The following ZFAT variants were observed in gnomAD, a reference collection of about 807,000 sequenced individuals.
The protein encoded by ZFAT is zinc finger and AT-hook domain containing.
In ZFAT, 64 loss-of-function variants were observed where a neutral mutation model predicts 117.7. That is an observed-to-expected ratio of 0.54 (90% CI 0.44 to 0.67). The LOEUF (loss-of-function observed/expected upper bound fraction) is 0.67. ZFAT is among the 30% of genes least tolerant of loss of function. ZFAT has a pLI of 0.00. For missense variants in ZFAT, 1,433 were observed against 1,584.5 expected, an observed-to-expected ratio of 0.90 and a Z score of 1.62; for synonymous variants, 679 against 615.0, an observed-to-expected ratio of 1.10 and a Z score of -1.54.
Position 134,657,587 on chromosome 8 carries a change from G to A in ZFAT, c.170C>T (p.Pro57Leu), listed in dbSNP as rs1370525941. Residue 57 changes from proline to leucine, a missense_variant, in exon 2 of 16, where the codon CCC becomes CTC. Physicochemically the swap from Pro to Leu is moderately conservative, Grantham distance 98. Coordinates refer to ENST00000377838, the MANE Select transcript of ZFAT (RefSeq NM_020863.4). Reference protein sequence around the residue: ...IPLRPLSTPEPPNSSKTGDEF... With the variant: ...IPLRPLSTPELPNSSKTGDEF... ...ATCTCCGGTTTTGCTTGAGTTGGGG[G>A]GTTCAGGTGTACTCAGAGGCCTAAG... 3.0e-5 allele frequency: 48 copies of A among 1,612,546 alleles called. No individual in the cohort carries two copies. Among genetic ancestry groups the A allele is most frequent in the Non-Finnish European group, 3.6e-5 (43 of 1,179,206 alleles).
chr8:134,540,785 G>A (rs943093708), intron 11 of ZFAT, among the ~76,000 whole-genome samples: 2 of 152,186 alleles, frequency 1.3e-5, no homozygotes, highest in African/African-American at 4.8e-5. Context: ...CTGAAAAAGT[G>A]AAAAAACTCT....
At chr8:134,706,909 C>T (rs1834167535) in intron 1 of ZFAT, among the ~76,000 whole-genome samples, 1 of 151,896 alleles carries the variant, frequency 6.6e-6, no homozygotes, top group South Asian at 2.1e-4. Context: ...AAGAAAAAAC[C>T]TGTCTCCTGG....
the ZFAT span, chr8:134,795,626 C>T: frequency 1.3e-5 from 2 of 152,122 alleles, no homozygotes; most frequent in Non-Finnish European, 2.9e-5. Flanking sequence ...AAATGATTCC[C>T]TTTGGGAACT....
chr8:134,657,790 T>C, intron 1 of ZFAT, 53 bp from the exon 2 acceptor site: 1 of 1,562,972 alleles, frequency 6.4e-7, no homozygotes, highest in Non-Finnish European at 8.7e-7. Flanking sequence ...TAAACAATTA[T>C]TACTTCCAAT....
intron 2 of ZFAT, among the ~76,000 whole-genome samples, chr8:134,648,412 T>C (rs1831023289): frequency 6.6e-6 from 1 of 151,918 alleles, no homozygotes; most frequent in East Asian, 1.9e-4. Flanking sequence ...TGCCAAACCT[T>C]CAGCTAAACT....
At chr8:134,713,176 A>C, upstream of ZFAT, 1 of 263,478 alleles carries the variant, frequency 3.8e-6, no homozygotes, top group Non-Finnish European at 7.1e-6. Flanking sequence ...TTTTTATCCC[A>C]CTTCACGGAT....
intron 15 of ZFAT, among the ~76,000 whole-genome samples, chr8:134,488,133 G>A (rs1045083737): frequency 6.6e-6 from 1 of 152,226 alleles, no homozygotes; most frequent in African/African-American, 2.4e-5. Context: ...GAAGAGTGGA[G>A]GTCTGACTTC....
At chr8:134,496,194 C>G (rs1818422692) in intron 15 of ZFAT, among the ~76,000 whole-genome samples, 1 of 152,250 alleles carries the variant, frequency 6.6e-6, no homozygotes, top group African/African-American at 2.4e-5. Context: ...ATGCATACAA[C>G]AGCCCCTTGG....
chr8:134,528,441 T>A (rs1303446156), intron 12 of ZFAT, among the ~76,000 whole-genome samples: 3 of 152,196 alleles, frequency 2.0e-5, no homozygotes, highest in Non-Finnish European at 4.4e-5. Flanking sequence ...ATCAAATACA[T>A]CACCTGTGGG....
chr8:134,705,585 A>G lies in ZFAT; in HGVS notation c.19+7260T>C, dbSNP rs573594482. ...CACTCTGTTGCCCAGGCTAGAGTTC[A>G]GTGGTGCAATTTCAGCTCACTGCAA... On this transcript the variant is annotated intron_variant, in intron 1 of 15. Coordinates refer to ENST00000377838, the MANE Select transcript of ZFAT (RefSeq NM_020863.4). Among the ~76,000 whole-genome samples the G allele has an allele frequency of 9.2e-5, 14 of 152,060 alleles. No individual in the cohort carries two copies. The East Asian group carries it at 2.7e-3, about 29-fold the overall frequency.
intron 2 of ZFAT, among the ~76,000 whole-genome samples, chr8:134,652,920 T>C (rs189995246): frequency 1.1e-4 from 16 of 152,290 alleles, no homozygotes; most frequent in Non-Finnish European, 1.8e-4. Context: ...CCTAGGAATA[T>C]AGCCAACGTG....
At chr8:134,520,808 C>T (rs1309056285) in intron 13 of ZFAT, 75 bp downstream of exon 13, 2 of 1,101,848 alleles carry the variant, frequency 1.8e-6, no homozygotes, top group Non-Finnish European at 2.7e-6. Context: ...TTGTCCGTGC[C>T]CAGTATTTGG....
At chr8:134,582,705 T>A (rs956406358) in intron 10 of ZFAT, among the ~76,000 whole-genome samples, 1 of 152,178 alleles carries the variant, frequency 6.6e-6, no homozygotes, top group Non-Finnish European at 1.5e-5. Flanking sequence ...CCCAGCCAAG[T>A]ATTCAGCCTT....
the ZFAT span, among the ~76,000 whole-genome samples, chr8:134,746,518 T>TG: frequency 1.3e-5 from 2 of 152,378 alleles, no homozygotes; most frequent in East Asian, 3.9e-4. Flanking sequence ...GCTAACACTT[T>TG]GGGTCTTTCT....
chr8:134,721,704 C>A, the ZFAT span, among the ~76,000 whole-genome samples: 1 of 152,182 alleles, frequency 6.6e-6, no homozygotes, highest in Non-Finnish European at 1.5e-5. Flanking sequence ...CCTCCTTCTT[C>A]CCAGGCAAGT....
intron 11 of ZFAT, among the ~76,000 whole-genome samples, chr8:134,564,337 A>G (rs1824267772): frequency 6.6e-6 from 1 of 152,156 alleles, no homozygotes; most frequent in South Asian, 2.1e-4. Context: ...GACATATCCC[A>G]GTAGAACACC....
chr8:134,489,682 C>G (rs185105147), intron 15 of ZFAT, among the ~76,000 whole-genome samples: 56 of 152,326 alleles, frequency 3.7e-4, no homozygotes, highest in Middle Eastern at 6.8e-3. Flanking sequence ...CCATCATCTC[C>G]GCCAGGCTCA....
At chr8:134,553,930 C>T (rs889611138) in intron 11 of ZFAT, among the ~76,000 whole-genome samples, 13 of 152,204 alleles carry the variant, frequency 8.5e-5, no homozygotes, top group African/African-American at 2.9e-4. Flanking sequence ...AGGTCTTGTG[C>T]TGTAGGATAC....
the ZFAT span, among the ~76,000 whole-genome samples, chr8:134,729,599 A>G: frequency 6.6e-6 from 1 of 152,096 alleles, no homozygotes; most frequent in African/African-American, 2.4e-5. Context: ...TCACCTCACC[A>G]TTCTACCACC....
Sources: allele counts gnomAD v4.1 joint callset (sites outside exome capture counted in the v4.1 genomes callset), GRCh38; gene constraint gnomAD v4.1.1; transcripts MANE v1.5; gene names NCBI Gene and HGNC (gene_info 2026-07-23, HGNC 2026-07-21).